The following GINS4 variants were observed in gnomAD, a reference collection of about 807,000 sequenced individuals.
GINS4 encodes the protein GINS complex subunit 4.
A neutral mutation model predicts 31.1 loss-of-function variants in GINS4; 20 were observed. The observed-to-expected ratio is 0.64, with a 90% CI of 0.45 to 0.93. GINS4 has a LOEUF of 0.93. Among genes scored for constraint, GINS4 ranks in the 40% least tolerant of loss-of-function variants. The pLI, the probability that GINS4 is intolerant of heterozygous loss-of-function variation, is 0.00. For synonymous variants in GINS4, 85 were observed against 97.9 expected, an observed-to-expected ratio of 0.87 and a Z score of 0.78; for missense variants, 245 against 273.9, an observed-to-expected ratio of 0.89 and a Z score of 0.75.
intron 2 of GINS4, 27 bp from the exon 3 acceptor site, chr8:41,536,333 T>G (rs370838636): frequency 2.0e-6 from 3 of 1,467,576 alleles, no homozygotes; most frequent in East Asian, 2.3e-5. Context: ...TGGGTGATGC[T>G]TGCTTTTTCT....
At chr8:41,540,903 T>C (rs1355590759) in intron 6 of GINS4, among the ~76,000 whole-genome samples, 1 of 152,072 alleles carries the variant, frequency 6.6e-6, no homozygotes, top group Non-Finnish European at 1.5e-5. Flanking sequence ...CCCCACAGAC[T>C]CAGTGTCTGC....
chr8:41,535,337 C>CA (rs958567641), intron 2 of GINS4, among the ~76,000 whole-genome samples: 1 of 151,946 alleles, frequency 6.6e-6, no homozygotes, highest in African/African-American at 2.4e-5. Flanking sequence ...GACTGTGCCT[C>CA]AAAAATAAAT....
intron 2 of GINS4, among the ~76,000 whole-genome samples, chr8:41,533,924 C>G (rs1429394502): frequency 6.6e-6 from 1 of 152,066 alleles, no homozygotes; most frequent in East Asian, 1.9e-4. Flanking sequence ...TAAAATTACC[C>G]CTTATCAGGG....
At chr8:41,540,317 G>T (rs753124443) in intron 6 of GINS4, 34 of 413,242 alleles carry the variant, frequency 8.2e-5, no homozygotes, top group Middle Eastern at 7.5e-4. Context: ...TGGCAGCCCC[G>T]AGTACCAGCA....
At chr8:41,532,567 G>A (rs1434835636) in intron 2 of GINS4, among the ~76,000 whole-genome samples, 1 of 152,086 alleles carries the variant, frequency 6.6e-6, no homozygotes, top group East Asian at 1.9e-4. Flanking sequence ...GGGTGCGGTG[G>A]CTCACACCTG....
chr8:41,542,026 A>G lies in GINS4; in HGVS notation c.611A>G (p.His204Arg). The G allele has an allele frequency of 6.2e-7, 1 of 1,614,160 alleles. No individual in the cohort carries two copies. Among genetic ancestry groups the G allele is most frequent in the Non-Finnish European group, 8.5e-7 (1 of 1,180,030 alleles). ...ATTGACCTGGAGAAGGGCTCACAGC[A>G]CTTGATCCGATACAAAACCATTGCA... ...YVIDLEKGSQ[H>R]LIRYKTIAPL... The change falls in exon 8 of 8, where the codon CAC (histidine) becomes CGC (arginine). Residue 204 changes from histidine to arginine, a missense_variant. Physicochemically the swap from His to Arg is conservative, Grantham distance 29. Transcript: ENST00000276533.
chr8:41,536,366 A>C lies in GINS4; in HGVS notation c.103A>C (p.Met35Leu), dbSNP rs1806741366. 6.2e-7 allele frequency: 1 copy of C among 1,604,240 alleles called. No homozygotes were observed. Among genetic ancestry groups the C allele is most frequent in the South Asian group, 1.1e-5 (1 of 90,858 alleles). Reference protein sequence around the residue: ...ELIERLEQAWMNEKFAPELLE... With the variant: ...ELIERLEQAWLNEKFAPELLE... ...TCTGGCATTTGTCTTTTAGGCCTGG[A>C]TGAATGAAAAGTTTGCCCCTGAGCT... The change falls in exon 3 of 8, where the codon ATG becomes CTG. Residue 35 changes from methionine (M) to leucine (L), a missense_variant. By Grantham distance (15) the Met-to-Leu change is conservative (BLOSUM62 2). Transcript: ENST00000276533.
chr8:41,533,169 T>C (rs1373314192), intron 2 of GINS4, among the ~76,000 whole-genome samples: 1 of 152,152 alleles, frequency 6.6e-6, no homozygotes, highest in Non-Finnish European at 1.5e-5. Flanking sequence ...TGAAACAGCA[T>C]GAATAACAGG....
chr8:41,531,122 A>C (rs1482701345), intron 2 of GINS4, among the ~76,000 whole-genome samples: 1 of 152,148 alleles, frequency 6.6e-6, no homozygotes, highest in Non-Finnish European at 1.5e-5. Context: ...AAAAACAAAA[A>C]TTAGCCGGAT....
In GINS4 at chr8:41,541,903, A is replaced by G; in HGVS notation, c.575+4A>G. 1 of 1,613,756 alleles carries G rather than the reference A, an allele frequency of 6.2e-7. No individual in the cohort carries two copies. Among genetic ancestry groups the G allele is most frequent in the South Asian group, 1.1e-5 (1 of 91,076 alleles). On this transcript the variant is annotated splice_donor_region_variant and intron_variant, in intron 7 of 7. Coordinates refer to ENST00000276533, the MANE Select transcript of GINS4 (RefSeq NM_032336.3). ...AACCAGACACAGATGAGCAGAGGTG[A>G]GTGGCGTGCATCTTTCACAGTGGGC...
At chr8:41,533,727 T>G (rs894098815) in intron 2 of GINS4, among the ~76,000 whole-genome samples, 5 of 152,194 alleles carry the variant, frequency 3.3e-5, no homozygotes, top group African/African-American at 1.2e-4. Flanking sequence ...TGTTTTAGTT[T>G]GCTAGGGCCA....
intron 2 of GINS4, among the ~76,000 whole-genome samples, chr8:41,535,979 G>A (rs1180433743): frequency 1.3e-5 from 2 of 152,196 alleles, no homozygotes; most frequent in African/African-American, 2.4e-5. Flanking sequence ...GGATTGGTGG[G>A]TTATTGCTTT....
At chr8:41,541,928 C>T (rs372934804) in intron 7 of GINS4, 29 bp downstream of exon 7, 3 of 1,610,466 alleles carry the variant, frequency 1.9e-6, no homozygotes, top group Non-Finnish European at 2.5e-6. Context: ...TCACAGTGGG[C>T]ACATTCCTCC....
intron 4 of GINS4, among the ~76,000 whole-genome samples, chr8:41,539,250 T>C (rs563225646): frequency 1.1e-4 from 15 of 141,482 alleles, no homozygotes; most frequent in Non-Finnish European, 1.7e-4. Flanking sequence ...AACCCGAGAG[T>C]TGGAGGTTGC....
At chr8:41,534,356 A>T (rs532737889) in intron 2 of GINS4, 1 of 267,992 alleles carries the variant, frequency 3.7e-6, no homozygotes, top group African/African-American at 2.2e-5. Context: ...GCAGTGAGCC[A>T]TTATCATGCC....
chr8:41,533,905 T>C (rs1806694890), intron 2 of GINS4, among the ~76,000 whole-genome samples: 1 of 152,168 alleles, frequency 6.6e-6, no homozygotes, highest in Non-Finnish European at 1.5e-5. Context: ...CTCTCGTGTG[T>C]GTCTGTGTTA....
At chr8:41,541,779 T>A in intron 6 of GINS4, 30 bp from the exon 7 acceptor site, 2 of 1,576,044 alleles carry the variant, frequency 1.3e-6, no homozygotes, top group Non-Finnish European at 1.7e-6. Context: ...GGCCGAGGAT[T>A]TCCTAATCAC....
Position 41,537,285 on chromosome 8 carries a change from C to A in GINS4, c.289C>A (p.Leu97Ile). 1 of 1,609,908 alleles carries A rather than the reference C, an allele frequency of 6.2e-7. No homozygotes were observed. The highest frequency in any genetic ancestry group is 1.1e-5 in the South Asian group (1 of 90,826). Residue 97 changes from leucine to isoleucine, a missense_variant, in exon 4 of 8, where the codon CTC becomes ATC. By Grantham distance (5) the Leu-to-Ile change is conservative. Transcript: ENST00000276533. ...YVLSSYLRCRLMKIEKFFPHV... is the reference protein window; with the variant it reads ...YVLSSYLRCRIMKIEKFFPHV... ...CCTCAGCAGCTACTTGCGGTGTCGCCTCATGAAGGTTTGACGTGGAGATAC... is the reference window on the plus strand; with the variant it reads ...CCTCAGCAGCTACTTGCGGTGTCGCATCATGAAGGTTTGACGTGGAGATAC...
At chr8:41,533,814 C>G (rs1806692782) in intron 2 of GINS4, among the ~76,000 whole-genome samples, 1 of 152,162 alleles carries the variant, frequency 6.6e-6, no homozygotes, top group Non-Finnish European at 1.5e-5. Context: ...GTCAAAGTGC[C>G]AGCATAGTTG....
Sources: gnomAD v4.1 joint callset for allele counts (sites outside exome capture counted in the v4.1 genomes callset) on GRCh38, gnomAD v4.1.1 for gene constraint, MANE v1.5 for transcripts, NCBI Gene and HGNC (gene_info 2026-07-23, HGNC 2026-07-21) for gene names.